Variants in SLC24A3 observed in about 807,000 individuals in gnomAD.
SLC24A3 encodes sodium/potassium/calcium exchanger 3.
Under a neutral mutation model 75.8 loss-of-function variants are expected in SLC24A3, and 28 were observed. The ratio of observed to expected loss-of-function variants is 0.37; its 90% CI spans 0.27 to 0.51. SLC24A3 has a LOEUF of 0.51. Ranked by LOEUF, SLC24A3 falls within the 20% of genes least tolerant of loss-of-function variation. SLC24A3 has a pLI of 0.94. For missense variants in SLC24A3, 663 were observed against 847.8 expected, an observed-to-expected ratio of 0.78 and a Z score of 2.71; for synonymous variants, 372 against 334.1, an observed-to-expected ratio of 1.11 and a Z score of -1.24.
chr20:19,654,804 C>T (rs1387990847), intron 7 of SLC24A3, among the ~76,000 whole-genome samples: 5 of 151,900 alleles, frequency 3.3e-5, no homozygotes, highest in South Asian at 2.1e-4. Context: ...TGCACCACCA[C>T]GGCTGGCTAA....
At chr20:19,445,099 A>G (rs1031615121) in intron 2 of SLC24A3, among the ~76,000 whole-genome samples, 2 of 152,210 alleles carry the variant, frequency 1.3e-5, no homozygotes, top group Non-Finnish European at 2.9e-5. Flanking sequence ...GACCTTTTTC[A>G]TGACCTTATA....
At chr20:19,255,970 G>A (rs548024329) in intron 1 of SLC24A3, among the ~76,000 whole-genome samples, 20 of 151,994 alleles carry the variant, frequency 1.3e-4, no homozygotes, top group Non-Finnish European at 2.4e-4. Flanking sequence ...ATGGTGGCAC[G>A]TGCCTGTAGT....
At chr20:19,676,720 G>A (rs573561293) in intron 9 of SLC24A3, among the ~76,000 whole-genome samples, 2 of 152,324 alleles carry the variant, frequency 1.3e-5, no homozygotes, top group Admixed American at 6.5e-5. Flanking sequence ...AGCAATTTCA[G>A]ATTGTCCAGT....
chr20:19,410,540 A>G (rs1204391199), intron 2 of SLC24A3, among the ~76,000 whole-genome samples: 2 of 152,130 alleles, frequency 1.3e-5, no homozygotes, highest in African/African-American at 4.8e-5. Flanking sequence ...AGATGACAAA[A>G]TGGCAGAACT....
intron 6 of SLC24A3, among the ~76,000 whole-genome samples, chr20:19,614,552 G>A (rs575554929): frequency 3.0e-4 from 45 of 152,240 alleles, no homozygotes; most frequent in Admixed American, 5.9e-4. Flanking sequence ...CCATTCCACC[G>A]TTCTTGCCCA....
chr20:19,303,110 A>G (rs983203859), intron 2 of SLC24A3, among the ~76,000 whole-genome samples: 2 of 152,054 alleles, frequency 1.3e-5, no homozygotes, highest in African/African-American at 4.8e-5. Context: ...TTCATCACCC[A>G]GGTAATAAGC....
At chr20:19,576,959 C>T (rs893155237) in intron 3 of SLC24A3, among the ~76,000 whole-genome samples, 7 of 152,156 alleles carry the variant, frequency 4.6e-5, no homozygotes, top group Non-Finnish European at 1.0e-4. Flanking sequence ...CCAAGTCATA[C>T]AGCAAAAGAG....
chr20:19,398,025 ACTT>A (rs750908698), intron 2 of SLC24A3, among the ~76,000 whole-genome samples: 3 of 152,148 alleles, frequency 2.0e-5, no homozygotes, highest in South Asian at 4.1e-4. Flanking sequence ...GATGTTTTCT[ACTT>A]CTTTTTTCTA....
chr20:19,653,265 C>T (rs1431279306), intron 6 of SLC24A3, among the ~76,000 whole-genome samples: 1 of 152,196 alleles, frequency 6.6e-6, no homozygotes, highest in Non-Finnish European at 1.5e-5. Context: ...CCTCCTCTTG[C>T]AGGGAAAGGC....
chr20:19,565,340 G>T (rs549582364), intron 3 of SLC24A3, among the ~76,000 whole-genome samples: 2 of 151,918 alleles, frequency 1.3e-5, no homozygotes, highest in African/African-American at 4.8e-5. Flanking sequence ...AACTACCTTA[G>T]GCTACTAGAG....
chr20:19,590,519 C>T (rs1407092416), intron 6 of SLC24A3, among the ~76,000 whole-genome samples: 1 of 152,142 alleles, frequency 6.6e-6, no homozygotes, highest in Non-Finnish European at 1.5e-5. Context: ...ACATCCATTC[C>T]AGGGAGGGAG....
intron 15 of SLC24A3, among the ~76,000 whole-genome samples, chr20:19,714,138 C>T (rs533183812): frequency 2.2e-4 from 34 of 152,294 alleles, no homozygotes; most frequent in African/African-American, 7.2e-4. Context: ...TGCCGTGGCT[C>T]ATGCTTGTAA....
At chr20:19,639,541 A>C (rs1223800929) in intron 6 of SLC24A3, among the ~76,000 whole-genome samples, 1 of 152,248 alleles carries the variant, frequency 6.6e-6, no homozygotes, top group South Asian at 2.1e-4. Context: ...CGTCCCCACC[A>C]GACTCAGGAG....
intron 8 of SLC24A3, among the ~76,000 whole-genome samples, chr20:19,671,696 A>C (rs1468714971): frequency 6.6e-5 from 10 of 152,018 alleles, no homozygotes; most frequent in Admixed American, 5.9e-4. Flanking sequence ...GGAAATAAGA[A>C]TGAAGAATTC....
chr20:19,402,970 TGAATTTTA>T (rs1986579351), intron 2 of SLC24A3, among the ~76,000 whole-genome samples: 1 of 152,232 alleles, frequency 6.6e-6, no homozygotes, highest in Non-Finnish European at 1.5e-5. Context: ...ACTGAATTTT[TGAATTTTA>T]TTAACTTTTA....
chr20:19,300,771 A>G (rs1984176768), intron 2 of SLC24A3, among the ~76,000 whole-genome samples: 1 of 152,068 alleles, frequency 6.6e-6, no homozygotes, highest in Non-Finnish European at 1.5e-5. Flanking sequence ...TGGAGTCTTC[A>G]GCTTGCTGCC....
At chr20:19,589,760 A>G (rs2031348132) in intron 6 of SLC24A3, among the ~76,000 whole-genome samples, 1 of 152,130 alleles carries the variant, frequency 6.6e-6, no homozygotes, top group Non-Finnish European at 1.5e-5. Flanking sequence ...TAGATTCTGT[A>G]AAAATATTTG....
intron 9 of SLC24A3, among the ~76,000 whole-genome samples, chr20:19,673,989 C>T (rs1305719132): frequency 1.3e-5 from 2 of 152,314 alleles, no homozygotes; most frequent in South Asian, 4.1e-4. Flanking sequence ...CAATATGTTA[C>T]ACTGCTATAG....
At chr20:19,411,531 G>A (rs1343977589) in intron 2 of SLC24A3, among the ~76,000 whole-genome samples, 1 of 152,210 alleles carries the variant, frequency 6.6e-6, no homozygotes, top group Non-Finnish European at 1.5e-5. Flanking sequence ...CCAGCAGCAA[G>A]AAGGAAGTTG....
Sources: allele counts gnomAD v4.1 joint callset (sites outside exome capture counted in the v4.1 genomes callset), GRCh38; gene constraint gnomAD v4.1.1; transcripts MANE v1.5; gene names NCBI Gene and HGNC (gene_info 2026-07-23, HGNC 2026-07-21).